ADAMTS18: variants seen among roughly 807,000 people sequenced by gnomAD.
The protein encoded by ADAMTS18 is ADAM metallopeptidase with thrombospondin type 1 motif 18.
In ADAMTS18, 157 loss-of-function variants were observed where a neutral mutation model predicts 165.9. That is an observed-to-expected ratio of 0.95 (90% confidence interval 0.83 to 1.08). The LOEUF (loss-of-function observed/expected upper bound fraction) is 1.08, where lower values mean the gene tolerates loss of function less well. Ranked by LOEUF, ADAMTS18 falls within the 50% of genes least tolerant of loss-of-function variation. The pLI is 0.00. For missense variants in ADAMTS18, 2,040 were observed against 1,534.0 expected, an observed-to-expected ratio of 1.33 and a Z score of -5.51; for synonymous variants, 782 against 578.2, an observed-to-expected ratio of 1.35 and a Z score of -5.06.
At chr16:77,337,235 C>A (rs1188140171) in intron 11 of ADAMTS18, among the ~76,000 whole-genome samples, 4 of 152,124 alleles carry the variant, frequency 2.6e-5, no homozygotes, top group Non-Finnish European at 5.9e-5. Flanking sequence ...ATTTTGCCTA[C>A]CATAAGCATG....
intron 3 of ADAMTS18, among the ~76,000 whole-genome samples, chr16:77,389,352 T>C (rs1301412060): frequency 6.6e-6 from 1 of 152,172 alleles, no homozygotes; most frequent in Non-Finnish European, 1.5e-5. Context: ...TTCCACAAAA[T>C]GCATCTAAGA....
intron 10 of ADAMTS18, among the ~76,000 whole-genome samples, chr16:77,347,529 ATTTC>A (rs1326599200): frequency 6.6e-6 from 1 of 151,942 alleles, no homozygotes; most frequent in Non-Finnish European, 1.5e-5. Flanking sequence ...CCCCATTATA[ATTTC>A]TTTTATATAT....
At chr16:77,434,332 G>T in intron 2 of ADAMTS18, 86 bp downstream of exon 2, 1 of 1,467,632 alleles carries the variant, frequency 6.8e-7, no homozygotes, top group South Asian at 1.2e-5. Context: ...TAGGGGGTGC[G>T]CTTTTCCATC....
chr16:77,360,306 G>C (rs2056693956), intron 7 of ADAMTS18, among the ~76,000 whole-genome samples: 1 of 152,154 alleles, frequency 6.6e-6, no homozygotes, highest in African/African-American at 2.4e-5. Flanking sequence ...TTATATATCT[G>C]TGTGTGTATG....
At position 77,432,912 on chromosome 16, in the gene ADAMTS18, T is replaced by C. The variant is rs566898500; in HGVS notation, c.179-1301A>G. 6.3e-4 allele frequency among the ~76,000 whole-genome samples: 96 copies of C among 152,330 alleles called. 1 individual carries two copies. The highest frequency in any genetic ancestry group is 1.1e-3 in the Non-Finnish European group (77 of 68,030). On this transcript the variant is annotated intron_variant, in intron 2 of 22. Transcript: ENST00000282849. ...CTGTTTATGAACCATCTGTGACTTA[T>C]TCCTTGGGCAGCTTTCATTTTTATA...
chr16:77,368,925 T>C (rs2086882248), intron 3 of ADAMTS18, among the ~76,000 whole-genome samples: 1 of 152,224 alleles, frequency 6.6e-6, no homozygotes, highest in Non-Finnish European at 1.5e-5. Context: ...TGGCACAGTA[T>C]GGATATCTTC....
intron 3 of ADAMTS18, among the ~76,000 whole-genome samples, chr16:77,428,722 C>G (rs1322264209): frequency 6.6e-6 from 1 of 152,090 alleles, no homozygotes; most frequent in Non-Finnish European, 1.5e-5. Context: ...ATATGACACT[C>G]AAAGAAAATC....
intron 3 of ADAMTS18, among the ~76,000 whole-genome samples, chr16:77,406,575 T>C (rs914691266): frequency 2.0e-5 from 3 of 151,992 alleles, no homozygotes; most frequent in Admixed American, 2.0e-4. Flanking sequence ...GATTGTATAT[T>C]AAGAAAACTG....
intron 3 of ADAMTS18, among the ~76,000 whole-genome samples, chr16:77,368,993 C>G (rs1027846269): frequency 6.6e-6 from 1 of 152,188 alleles, no homozygotes; most frequent in Non-Finnish European, 1.5e-5. Flanking sequence ...ATGTTGTACT[C>G]TATCTTCTCT....
At position 77,364,305 on chromosome 16, in the gene ADAMTS18, T is replaced by A. The variant is rs767925514; in HGVS notation, c.855A>T (p.Ser285=). 2.5e-6 allele frequency: 4 copies of A among 1,613,916 alleles called. No homozygotes were observed. The East Asian group carries it at 8.9e-5, about 36-fold the overall frequency. Residue 285 remains serine (S), a synonymous_variant, in exon 5 of 23, where the codon TCA becomes TCT. Coordinates refer to ENST00000282849, the MANE Select transcript of ADAMTS18 (RefSeq NM_199355.4). The part of the protein sequence containing the change: ...EYGSSGRPRR[S]AGKSQKGLNV... ...TGAGGCCCTTTTGTGATTTTCCAGC[T>A]GATCTTCTGGGTCGCCCAGAGCTCC...
At chr16:77,397,389 T>G (rs1467649487) in intron 3 of ADAMTS18, among the ~76,000 whole-genome samples, 1 of 152,228 alleles carries the variant, frequency 6.6e-6, no homozygotes, top group Non-Finnish European at 1.5e-5. Context: ...ATGCTATAAT[T>G]AATATAACTT....
At chr16:77,301,550 G>A (rs967562255) in intron 16 of ADAMTS18, among the ~76,000 whole-genome samples, 28 of 152,158 alleles carry the variant, frequency 1.8e-4, no homozygotes, top group African/African-American at 6.5e-4. Context: ...CACTAGAACT[G>A]GGCATTCATG....
rs1330614999 is a variant in ADAMTS18, at chr16:77,284,106, G to A, written c.3551-35C>T. On this transcript the variant is annotated intron_variant, in intron 22 of 22. Transcript: ENST00000282849. The stretch of plus-strand genomic sequence containing the variant: ...GAAAATATATTTAGCATGTTGGCTA[G>A]GGTGTCTATCCTTTTTCTTTTTTTT... 4.8e-6 allele frequency: 7 copies of A among 1,445,498 alleles called. No individual in the cohort carries two copies. The Admixed American group carries it at 1.2e-4, about 24-fold the overall frequency. The allele number at this position is 1,445,498 out of a possible 1,614,324, so 89.5% of individuals were successfully genotyped here. A position where few individuals can be genotyped will look rare whatever the true frequency, so the allele number is the denominator to read the frequency against.
intron 3 of ADAMTS18, among the ~76,000 whole-genome samples, chr16:77,401,072 A>T (rs1458310772): frequency 6.6e-6 from 1 of 152,004 alleles, no homozygotes; most frequent in Non-Finnish European, 1.5e-5. Context: ...CCTGGCCAAC[A>T]TGGAGAAACC....
Position 77,284,030 on chromosome 16 carries a change from C to T in ADAMTS18, c.3592G>A (p.Val1198Ile), listed in dbSNP as rs764872318. ...TGGTTGCAGACACCATGCTGAGGAA[C>T]TAGGTGACACCAGTTGAAGAAATCT... ...CVDFFNWCHL[V>I]PQHGVCNHKF... is the part of the protein sequence containing the mutation. Residue 1198 changes from valine to isoleucine, a missense_variant, in exon 23 of 23, where the codon GTT becomes ATT. Transcript: ENST00000282849. 5 of 1,613,816 alleles carry T rather than the reference C, an allele frequency of 3.1e-6. No homozygotes were observed. Among genetic ancestry groups the T allele is most frequent in the Admixed American group, 1.7e-5 (1 of 59,992 alleles).
intron 3 of ADAMTS18, among the ~76,000 whole-genome samples, chr16:77,396,896 C>T (rs1199367174): frequency 1.3e-5 from 2 of 151,860 alleles, no homozygotes; most frequent in Admixed American, 1.3e-4. Flanking sequence ...AACCTCTGCC[C>T]CCTGGATTCA....
chr16:77,408,803 C>T (rs2057424361), intron 3 of ADAMTS18, among the ~76,000 whole-genome samples: 1 of 152,166 alleles, frequency 6.6e-6, no homozygotes, highest in South Asian at 2.1e-4. Context: ...TGGCCACTTT[C>T]TGAAAATCAA....
At chr16:77,399,458 G>T (rs929086656) in intron 3 of ADAMTS18, among the ~76,000 whole-genome samples, 1 of 152,118 alleles carries the variant, frequency 6.6e-6, no homozygotes, top group Non-Finnish European at 1.5e-5. Context: ...GAAGCTAGAG[G>T]AGTTCTGACT....
At chr16:77,385,386 T>G (rs2057092483) in intron 3 of ADAMTS18, among the ~76,000 whole-genome samples, 1 of 152,208 alleles carries the variant, frequency 6.6e-6, no homozygotes, top group Non-Finnish European at 1.5e-5. Flanking sequence ...AAGGAATAGT[T>G]GACTTGTATT....
Sources: allele counts gnomAD v4.1 joint callset (sites outside exome capture counted in the v4.1 genomes callset), GRCh38; gene constraint gnomAD v4.1.1; transcripts MANE v1.5; gene names NCBI Gene and HGNC (gene_info 2026-07-23, HGNC 2026-07-21).